Variants in PKNOX1 observed in about 807,000 individuals in gnomAD.
PKNOX1 encodes PBX/knotted 1 homeobox 1.
Under a neutral mutation model 51.9 loss-of-function variants are expected in PKNOX1, and 15 were observed. That is an observed-to-expected ratio of 0.29 (90% CI 0.19 to 0.45). The LOEUF (loss-of-function observed/expected upper bound fraction) is 0.45. PKNOX1 is among the 20% of genes least tolerant of loss of function. The pLI is 1.00. For missense variants in PKNOX1, 462 were observed against 547.5 expected, an observed-to-expected ratio of 0.84 and a Z score of 1.56; for synonymous variants, 219 against 211.1, an observed-to-expected ratio of 1.04 and a Z score of -0.32.
At chr21:43,014,236 T>A (rs1206337798) in intron 5 of PKNOX1, among the ~76,000 whole-genome samples, 1 of 152,126 alleles carries the variant, frequency 6.6e-6, no homozygotes, top group South Asian at 2.1e-4. Context: ...TTAGCCAGGA[T>A]GGTCTCGATC....
intron 2 of PKNOX1, 97 bp from the exon 3 acceptor site, chr21:43,007,394 C>G: frequency 9.1e-7 from 1 of 1,095,434 alleles, no homozygotes; most frequent in Non-Finnish European, 1.4e-6. Flanking sequence ...ATACTGCTGT[C>G]TGGCAATTCC....
intron 1 of PKNOX1, among the ~76,000 whole-genome samples, chr21:42,986,078 T>C (rs1440478205): frequency 6.6e-6 from 1 of 152,196 alleles, no homozygotes; most frequent in Non-Finnish European, 1.5e-5. Context: ...GAATTTTGTT[T>C]TGTCTTTAGG....
intron 7 of PKNOX1, among the ~76,000 whole-genome samples, chr21:43,018,977 C>T (rs549767491): frequency 6.0e-5 from 9 of 150,936 alleles, no homozygotes; most frequent in East Asian, 5.9e-4. Context: ...CCCAGCTACT[C>T]GGGAGGCTGA....
At position 43,032,174 on chromosome 21, in the gene PKNOX1, A is replaced by C. The variant is rs764861722; in HGVS notation, c.*2073A>C. Reference sequence around the variant, plus strand: ...CGCGCCCGGCCGAGAATGACATCTTAAAGCCACCATTGCGTTCCTCATTTG... The same window carrying C: ...CGCGCCCGGCCGAGAATGACATCTTCAAGCCACCATTGCGTTCCTCATTTG... On this transcript the variant is annotated 3_prime_UTR_variant, in exon 11 of 11. Transcript: ENST00000291547. The C allele has an allele frequency of 2.2e-6, 1 of 456,184 alleles. No homozygotes were observed. The highest frequency in any genetic ancestry group is 1.5e-5 in the South Asian group (1 of 64,556). 28.3% of individuals were successfully genotyped at this position (456,184 alleles called of 1,614,324 possible).
chr21:42,998,184 T>A (rs765679444), intron 1 of PKNOX1, among the ~76,000 whole-genome samples: 35 of 152,322 alleles, frequency 2.3e-4, no homozygotes, highest in Non-Finnish European at 4.3e-4. Context: ...AGTCATGTCT[T>A]ACATGGATGG....
chr21:42,983,203 TTCATACTTTTGTACAG>T (rs1601266641), intron 1 of PKNOX1, among the ~76,000 whole-genome samples: 1 of 152,146 alleles, frequency 6.6e-6, no homozygotes, highest in East Asian at 1.9e-4. Context: ...GGTAAGTTCA[TTCATACTTTTGTACAG>T]CCATCACCAC....
At chr21:42,993,868 G>A (rs1398049210) in intron 1 of PKNOX1, among the ~76,000 whole-genome samples, 3 of 151,478 alleles carry the variant, frequency 2.0e-5, no homozygotes, top group Non-Finnish European at 2.9e-5. Context: ...GAGTAGCTGG[G>A]ATTACAGGCA....
intron 4 of PKNOX1, among the ~76,000 whole-genome samples, chr21:43,010,831 T>A (rs1205025270): frequency 6.6e-6 from 1 of 151,722 alleles, no homozygotes; most frequent in Admixed American, 6.6e-5. Context: ...GCCACTGCAC[T>A]CCAGCCTGGG....
chr21:42,982,688 G>A (rs1013508878), intron 1 of PKNOX1, among the ~76,000 whole-genome samples: 6 of 139,066 alleles, frequency 4.3e-5, no homozygotes, highest in East Asian at 4.2e-4. Context: ...CTGAGATCGC[G>A]CCATTGCACT....
rs1555860061 is a variant in PKNOX1, at chr21:43,004,474, C to T, written c.51+42C>T. The T allele has an allele frequency of 1.6e-5, 22 of 1,354,730 alleles. No individual in the cohort carries two copies. In the South Asian group the frequency reaches 2.3e-4, roughly 14 times the overall value. 83.9% of individuals were successfully genotyped at this position (1,354,730 alleles called of 1,614,324 possible). On this transcript the variant is annotated intron_variant, in intron 2 of 10. Transcript: ENST00000291547. The stretch of plus-strand genomic sequence containing the variant: ...TTCTGCATTCTAATTACAAATCAAC[C>T]TGGCACTCAAGCATGAACATTGCTT...
intron 9 of PKNOX1, among the ~76,000 whole-genome samples, chr21:43,026,630 A>G (rs1979993526): frequency 6.6e-6 from 1 of 152,132 alleles, no homozygotes; most frequent in Non-Finnish European, 1.5e-5. Context: ...GGTGGTGCAC[A>G]CCTGTAATCC....
intron 1 of PKNOX1, among the ~76,000 whole-genome samples, chr21:42,975,295 G>T (rs1359504728): frequency 2.0e-5 from 3 of 151,192 alleles, no homozygotes; most frequent in African/African-American, 7.3e-5. Flanking sequence ...GGTCCTGGGG[G>T]CGGTGGGCGT....
chr21:42,992,567 G>A (rs957044591), intron 1 of PKNOX1, among the ~76,000 whole-genome samples: 1 of 152,200 alleles, frequency 6.6e-6, no homozygotes, highest in African/African-American at 2.4e-5. Context: ...ACGACTCAGC[G>A]GCTGGGGGTG....
At chr21:42,981,139 G>A (rs2059023294) in intron 1 of PKNOX1, among the ~76,000 whole-genome samples, 1 of 152,230 alleles carries the variant, frequency 6.6e-6, no homozygotes, top group African/African-American at 2.4e-5. Context: ...GATACCTCAT[G>A]GTTCTGTCTT....
At chr21:43,006,164 C>T (rs1978979682) in intron 2 of PKNOX1, among the ~76,000 whole-genome samples, 1 of 151,864 alleles carries the variant, frequency 6.6e-6, no homozygotes, top group Non-Finnish European at 1.5e-5. Flanking sequence ...TGCTCTGTTG[C>T]CCCGGCTGGA....
rs1979324758 is a variant in PKNOX1, at chr21:43,013,056, T to C, written c.352-12T>C. On this transcript the variant is annotated splice_polypyrimidine_tract_variant and intron_variant, in intron 4 of 10. Transcript: ENST00000291547. ...CCTTTTTCTCTGAAAGTCTTCATTT[T>C]CTCTGCTCTAGATGGTAAAAGCAAT... The C allele has an allele frequency of 2.5e-6, 4 of 1,570,528 alleles. No homozygotes were observed. The South Asian group carries it at 4.6e-5, about 18-fold the overall frequency.
In PKNOX1 at chr21:43,021,899, C is replaced by T. The variant is rs565044018; in HGVS notation, c.849+468C>T. On this transcript the variant is annotated intron_variant, in intron 8 of 10. Coordinates refer to ENST00000291547, the MANE Select transcript of PKNOX1 (RefSeq NM_004571.5). The surrounding 1 kb of genome is among the most constrained non-coding windows in gnomAD (Gnocchi z 4.6). ...GTCCCACAGGGCGCGCCGTTTTGCC[C>T]AGCACGTGTGCACCCGGCTTCCTCC... Among the ~76,000 whole-genome samples, 7 of 152,358 alleles carry T rather than the reference C, an allele frequency of 4.6e-5. No individual in the cohort carries two copies. Among genetic ancestry groups the T allele is most frequent in the Admixed American group, 2.0e-4 (3 of 15,306 alleles).
At chr21:43,015,778 C>A (rs1419593946) in intron 5 of PKNOX1, among the ~76,000 whole-genome samples, 3 of 151,626 alleles carry the variant, frequency 2.0e-5, no homozygotes, top group African/African-American at 7.3e-5. Flanking sequence ...ATAGTGATCT[C>A]TTCCTGTTTT....
intron 1 of PKNOX1, among the ~76,000 whole-genome samples, chr21:42,981,874 C>T (rs892165836): frequency 6.6e-6 from 1 of 152,182 alleles, no homozygotes; most frequent in Admixed American, 6.5e-5. Context: ...AAACAGGAGT[C>T]TATGGGATTC....
Sources: allele counts gnomAD v4.1 joint callset (sites outside exome capture counted in the v4.1 genomes callset), GRCh38; gene constraint gnomAD v4.1.1; non-coding constraint Gnocchi (gnomAD v3.1); transcripts MANE v1.5; gene names NCBI Gene and HGNC (gene_info 2026-07-23, HGNC 2026-07-21).